The following CYTH3 variants were observed in gnomAD, a reference collection of about 807,000 sequenced individuals.
CYTH3 encodes cytohesin 3, also known as cytohesin-3.
A neutral mutation model predicts 55.1 loss-of-function variants in CYTH3; 23 were observed. The ratio of observed to expected loss-of-function variants is 0.42; its 90% CI spans 0.30 to 0.59. The LOEUF (loss-of-function observed/expected upper bound fraction) is 0.59. Among genes scored for constraint, CYTH3 ranks in the 20% least tolerant of loss-of-function variants. The pLI, the probability that CYTH3 is intolerant of heterozygous loss-of-function variation, is 0.20. For synonymous variants in CYTH3, 249 were observed against 194.9 expected (o/e 1.28, Z -2.31); for missense variants, 413 against 524.8 (o/e 0.79, Z 2.08).
At chr7:6,185,825 T>C (rs1346703471) in intron 4 of CYTH3, among the ~76,000 whole-genome samples, 2 of 152,128 alleles carry the variant, frequency 1.3e-5, no homozygotes, top group Admixed American at 6.5e-5. Flanking sequence ...CCTGCACTTA[T>C]GTGAGTTTAC....
Position 6,167,594 on chromosome 7 carries a change from G to GC in CYTH3, c.824-1785dup, listed in dbSNP as rs971044751. On this transcript the variant is annotated intron_variant, in intron 9 of 12. Coordinates refer to ENST00000350796, the MANE Select transcript of CYTH3 (RefSeq NM_004227.4). The surrounding 1 kb of genome is among the most constrained non-coding windows in gnomAD (Gnocchi z 5.5). Reference sequence around the variant, plus strand: ...GGCAATCATGCCCCTCCGGCTTGAAGCCCCCCAAAGGGTCCCACTGCACTC... The same window carrying GC: ...GGCAATCATGCCCCTCCGGCTTGAAGCCCCCCCAAAGGGTCCCACTGCACTC... Among the ~76,000 whole-genome samples, 23 of 152,208 alleles carry GC rather than the reference G, an allele frequency of 1.5e-4. No homozygotes were observed. Among genetic ancestry groups the GC allele is most frequent in the Non-Finnish European group, 5.9e-5 (4 of 68,036 alleles).
At chr7:6,175,751 T>C (rs926830098) in intron 5 of CYTH3, among the ~76,000 whole-genome samples, 1 of 152,098 alleles carries the variant, frequency 6.6e-6, no homozygotes, top group Non-Finnish European at 1.5e-5. Context: ...TTCACCATGT[T>C]GGCCAGGCTG....
rs761402109 is a variant in CYTH3 at position 6,165,353 on chromosome 7, G to A, written c.1047C>T (p.Arg349=). The change falls in exon 12 of 13, where the codon CGC becomes CGT. Residue 349 remains arginine (R), a synonymous_variant. Transcript: ENST00000350796. ...ACACCACATGGTTCCCCTCTACCAC[G>A]CGGCCGTCGGCCTCAGTCTTACAGG... The part of the protein sequence containing the change: ...IKACKTEADG[R]VVEGNHVVYR... The A allele has an allele frequency of 1.4e-5, 22 of 1,614,044 alleles. No individual in the cohort carries two copies. The highest frequency in any genetic ancestry group is 6.7e-5 in the Admixed American group (4 of 60,004).
chr7:6,174,500 C>A (rs1394055368), intron 5 of CYTH3, among the ~76,000 whole-genome samples: 1 of 149,498 alleles, frequency 6.7e-6, no homozygotes, highest in African/African-American at 2.5e-5. Context: ...TTTTTTATTA[C>A]GGCCAGCCTA....
At chr7:6,220,413 C>T (rs954716480) in intron 1 of CYTH3, among the ~76,000 whole-genome samples, 5 of 151,598 alleles carry the variant, frequency 3.3e-5, no homozygotes, top group East Asian at 1.9e-4. Context: ...TCTTTGAGAG[C>T]GAAGGCTTAG....
chr7:6,208,658 C>G (rs1048986806), intron 1 of CYTH3, among the ~76,000 whole-genome samples: 1 of 152,228 alleles, frequency 6.6e-6, no homozygotes, highest in African/African-American at 2.4e-5. Context: ...ATCACCCTGC[C>G]TCAGCCTCCC....
chr7:6,271,157 C>T (rs1210348965), intron 1 of CYTH3, among the ~76,000 whole-genome samples: 3 of 152,138 alleles, frequency 2.0e-5, no homozygotes, highest in Non-Finnish European at 4.4e-5. Flanking sequence ...CACAGCGCTC[C>T]CATCAACACA....
At chr7:6,271,358 A>G (rs1008840011) in intron 1 of CYTH3, among the ~76,000 whole-genome samples, 1 of 152,228 alleles carries the variant, frequency 6.6e-6, no homozygotes, top group Non-Finnish European at 1.5e-5. Flanking sequence ...GAAGCATTCA[A>G]TACTGCTGAT....
At chr7:6,239,858 A>G (rs1199788521) in intron 1 of CYTH3, among the ~76,000 whole-genome samples, 1 of 152,252 alleles carries the variant, frequency 6.6e-6, no homozygotes, top group African/African-American at 2.4e-5. Flanking sequence ...TTGAATGGTA[A>G]CAGACTTGAA....
At chr7:6,245,868 C>T (rs572099347) in intron 1 of CYTH3, among the ~76,000 whole-genome samples, 1 of 152,192 alleles carries the variant, frequency 6.6e-6, no homozygotes, top group Non-Finnish European at 1.5e-5. Context: ...CGTGCCACTG[C>T]GCTACAGCCT....
At chr7:6,184,049 CTTTTTTTTTTTTT>C (rs60634853) in intron 4 of CYTH3, among the ~76,000 whole-genome samples, 29 of 46,402 alleles carry the variant, frequency 6.2e-4, no homozygotes, top group South Asian at 9.8e-4. Context: ...CCCTCTGTGG[CTTTTTTTTTTTTT>C]TTTTTTTTTT....
At position 6,165,862 on chromosome 7, in the gene CYTH3, G is replaced by A. The variant is rs75683774; in HGVS notation, c.824-52C>T. 3.6e-3 allele frequency: 5,633 copies of A among 1,568,790 alleles called. 84 individuals are homozygous for A. The highest frequency in any genetic ancestry group is 0.03 in the East Asian group (1,356 of 44,670). ...TGCGCTCCGTGCACAGGGAGCCCGCGGGTCCAAGAGGGGGCCCTGGACCTG... is the reference window on the plus strand; with the variant it reads ...TGCGCTCCGTGCACAGGGAGCCCGCAGGTCCAAGAGGGGGCCCTGGACCTG... On this transcript the variant is annotated intron_variant, in intron 9 of 12. Coordinates refer to ENST00000350796, the MANE Select transcript of CYTH3 (RefSeq NM_004227.4).
chr7:6,187,525 G>T, intron 3 of CYTH3, 132 bp downstream of exon 3: 1 of 793,984 alleles, frequency 1.3e-6, no homozygotes, highest in Non-Finnish European at 2.2e-6. Flanking sequence ...TAGGGGGAGA[G>T]GAGAGGAATT....
chr7:6,255,181 G>A (rs1279394546), intron 1 of CYTH3, among the ~76,000 whole-genome samples: 1 of 152,082 alleles, frequency 6.6e-6, no homozygotes, highest in Non-Finnish European at 1.5e-5. Flanking sequence ...AAATCACAAG[G>A]CTAGAAATGA....
At chr7:6,263,019 C>A (rs1780391865) in intron 1 of CYTH3, among the ~76,000 whole-genome samples, 1 of 152,072 alleles carries the variant, frequency 6.6e-6, no homozygotes, top group African/African-American at 2.4e-5. Flanking sequence ...AGCAACACCA[C>A]TACCAAGCCA....
At chr7:6,251,823 T>G (rs1054412356) in intron 1 of CYTH3, among the ~76,000 whole-genome samples, 10 of 152,172 alleles carry the variant, frequency 6.6e-5, no homozygotes, top group Non-Finnish European at 1.5e-4. Flanking sequence ...CAGAATCGCA[T>G]GAGTTCTTCA....
At chr7:6,205,158 C>T (rs769462743) in intron 1 of CYTH3, among the ~76,000 whole-genome samples, 1 of 152,026 alleles carries the variant, frequency 6.6e-6, no homozygotes, top group African/African-American at 2.4e-5. Context: ...AAGCAATACT[C>T]TCTCAAAAAA....
intron 1 of CYTH3, among the ~76,000 whole-genome samples, chr7:6,204,943 T>A (rs981725652): frequency 6.6e-6 from 1 of 151,884 alleles, no homozygotes. Context: ...GGTGGGTGGA[T>A]CACTTGAGCC....
At chr7:6,178,849 C>G (rs1361866903) in intron 4 of CYTH3, among the ~76,000 whole-genome samples, 2 of 152,366 alleles carry the variant, frequency 1.3e-5, no homozygotes, top group East Asian at 1.9e-4. Flanking sequence ...CAGCTGAGCA[C>G]TGTCTCATGA....
Sources: gnomAD v4.1 joint callset for allele counts (sites outside exome capture counted in the v4.1 genomes callset) on GRCh38, gnomAD v4.1.1 for gene constraint, Gnocchi (gnomAD v3.1) non-coding constraint, MANE v1.5 for transcripts, NCBI Gene and HGNC (gene_info 2026-07-23, HGNC 2026-07-21) for gene names.